Variants in SLC9A9 observed in about 807,000 individuals in gnomAD.
SLC9A9 encodes sodium/hydrogen exchanger 9.
Under a neutral mutation model 77.8 loss-of-function variants are expected in SLC9A9, and 62 were observed. The observed-to-expected ratio is 0.80, with a 90% confidence interval of 0.65 to 0.98. SLC9A9 has a LOEUF of 0.98. SLC9A9 is among the 50% of genes least tolerant of loss of function. The pLI is 0.00. For missense variants in SLC9A9, 775 were observed against 774.9 expected (o/e 1.00, Z 0.00); for synonymous variants, 320 against 283.5 (o/e 1.13, Z -1.29).
chr3:143,780,067 G>A (rs1023569988), intron 4 of SLC9A9, among the ~76,000 whole-genome samples: 3 of 152,176 alleles, frequency 2.0e-5, no homozygotes, highest in African/African-American at 7.2e-5. Flanking sequence ...ATTGATTTCT[G>A]TAGAAGCCTT....
At chr3:143,410,080 T>C (rs16853564) in intron 12 of SLC9A9, among the ~76,000 whole-genome samples, 7,486 of 152,300 alleles carry the variant, frequency 0.049, 250 homozygotes, top group African/African-American at 0.089. Context: ...TTTGTCTCTT[T>C]CTACCCCTTA....
At chr3:143,831,804 C>G (rs181244794) in intron 2 of SLC9A9, among the ~76,000 whole-genome samples, 7 of 151,904 alleles carry the variant, frequency 4.6e-5, no homozygotes, top group Non-Finnish European at 7.4e-5. Context: ...CCTTTCTTTC[C>G]TAACTTCTAG....
chr3:143,384,328 C>CA (rs2033371555), intron 12 of SLC9A9, among the ~76,000 whole-genome samples: 1 of 152,072 alleles, frequency 6.6e-6, no homozygotes, highest in African/African-American at 2.4e-5. Flanking sequence ...CAGAGCCCTC[C>CA]AGCAGGTGCT....
chr3:143,811,010 T>G (rs2008850290), intron 2 of SLC9A9, among the ~76,000 whole-genome samples: 1 of 152,094 alleles, frequency 6.6e-6, no homozygotes, highest in South Asian at 2.1e-4. Context: ...GAAGAATGGG[T>G]AAGAGTCTAT....
chr3:143,734,540 C>T (rs146038501), intron 4 of SLC9A9, among the ~76,000 whole-genome samples: 8,212 of 152,044 alleles, frequency 0.054, 280 homozygotes, highest in Middle Eastern at 0.075. Context: ...TCGAGACCAT[C>T]CTGGCCAACA....
intron 12 of SLC9A9, among the ~76,000 whole-genome samples, chr3:143,413,880 C>T (rs952491652): frequency 4.6e-5 from 7 of 152,066 alleles, no homozygotes; most frequent in South Asian, 2.1e-4. Flanking sequence ...AGCAGTCTTA[C>T]GTGGGTGAAA....
At chr3:143,361,325 T>C (rs994735380) in intron 14 of SLC9A9, among the ~76,000 whole-genome samples, 13 of 152,244 alleles carry the variant, frequency 8.5e-5, no homozygotes, top group African/African-American at 3.1e-4. Context: ...TCTTTCAGCC[T>C]TGTGACAATT....
intron 9 of SLC9A9, among the ~76,000 whole-genome samples, chr3:143,514,770 G>T (rs2036175656): frequency 1.3e-5 from 2 of 152,160 alleles, no homozygotes; most frequent in South Asian, 4.1e-4. Context: ...TAGGCTTTTG[G>T]CTTAAGGGAA....
rs116870097 is a variant in SLC9A9 at position 143,325,413 on chromosome 3, C to T, written c.1604+38071G>A. 8.1e-4 allele frequency among the ~76,000 whole-genome samples: 123 copies of T among 152,318 alleles called. 1 individual carries two copies. In the East Asian group the frequency reaches 0.023, roughly 29 times the overall value. On this transcript the variant is annotated intron_variant, in intron 14 of 15. Coordinates refer to ENST00000316549, the MANE Select transcript of SLC9A9 (RefSeq NM_173653.4). ...TCTCTCATTTCCTAACCCTCTATAA[C>T]CTAAAACCTTACCCTTGGCCTCAGT...
intron 5 of SLC9A9, among the ~76,000 whole-genome samples, chr3:143,668,334 G>C (rs911989893): frequency 1.2e-4 from 14 of 112,372 alleles, no homozygotes; most frequent in African/African-American, 4.5e-4. Context: ...CCTGTCGTGG[G>C]GTGGGGGGAG....
chr3:143,458,303 T>G (rs1455847428), intron 12 of SLC9A9, among the ~76,000 whole-genome samples: 1 of 152,128 alleles, frequency 6.6e-6, no homozygotes, highest in East Asian at 1.9e-4. Flanking sequence ...CTTTTACACT[T>G]AACCTATCTA....
chr3:143,347,377 T>A (rs1234649720), intron 14 of SLC9A9, among the ~76,000 whole-genome samples: 2 of 152,000 alleles, frequency 1.3e-5, no homozygotes, highest in Non-Finnish European at 2.9e-5. Context: ...ATGAGAAAGA[T>A]AAAAGGGGAA....
At chr3:143,439,753 A>G (rs886699879) in intron 12 of SLC9A9, among the ~76,000 whole-genome samples, 5 of 151,876 alleles carry the variant, frequency 3.3e-5, no homozygotes, top group African/African-American at 9.7e-5. Context: ...CAAAGAACAC[A>G]AGGACCTGGG....
intron 14 of SLC9A9, among the ~76,000 whole-genome samples, chr3:143,338,433 T>C (rs2031990252): frequency 6.6e-6 from 1 of 152,162 alleles, no homozygotes; most frequent in South Asian, 2.1e-4. Flanking sequence ...ATGAAACCCA[T>C]GGAGAGAAAG....
intron 9 of SLC9A9, chr3:143,503,701 G>C (rs1195100452): frequency 2.6e-6 from 1 of 383,086 alleles, no homozygotes; most frequent in Non-Finnish European, 5.1e-6. Context: ...TGGTCTCCCG[G>C]AGCGGCCACC....
At chr3:143,500,017 A>G (rs2035900264) in intron 9 of SLC9A9, among the ~76,000 whole-genome samples, 2 of 152,186 alleles carry the variant, frequency 1.3e-5, no homozygotes, top group African/African-American at 4.8e-5. Flanking sequence ...TATATTTTAT[A>G]CAGTTTTACC....
intron 5 of SLC9A9, among the ~76,000 whole-genome samples, chr3:143,664,168 C>T (rs980266461): frequency 1.6e-4 from 25 of 152,114 alleles, no homozygotes; most frequent in Non-Finnish European, 3.1e-4. Context: ...AGAGTGGGGG[C>T]CAATATTCAA....
chr3:143,708,171 GC>G (rs1318963705), intron 4 of SLC9A9, among the ~76,000 whole-genome samples: 1 of 152,132 alleles, frequency 6.6e-6, no homozygotes, highest in African/African-American at 2.4e-5. Flanking sequence ...CTAAATATAG[GC>G]AAGAACTTGA....
At chr3:143,338,352 G>A (rs2031988230) in intron 14 of SLC9A9, among the ~76,000 whole-genome samples, 1 of 152,112 alleles carries the variant, frequency 6.6e-6, no homozygotes, top group South Asian at 2.1e-4. Context: ...ATTTGGTCTT[G>A]GTATTTCTCT....
Sources: gnomAD v4.1 joint callset for allele counts (sites outside exome capture counted in the v4.1 genomes callset) on GRCh38, gnomAD v4.1.1 for gene constraint, MANE v1.5 for transcripts, NCBI Gene and HGNC (gene_info 2026-07-23, HGNC 2026-07-21) for gene names.